The following PACS2 variants were observed in gnomAD, a reference collection of about 807,000 sequenced individuals.
PACS2 encodes the protein phosphofurin acidic cluster sorting protein 2.
PACS2 carries 36 observed loss-of-function variants against 113.0 expected under a neutral mutation model. The observed-to-expected ratio is 0.32, with a 90% confidence interval of 0.24 to 0.42. PACS2 has a LOEUF of 0.42. Among genes scored for constraint, PACS2 ranks in the 10% least tolerant of loss-of-function variants. The pLI is 1.00. For missense variants in PACS2, 1,015 were observed against 1,239.5 expected, an observed-to-expected ratio of 0.82 and a Z score of 2.72; for synonymous variants, 589 against 536.1, an observed-to-expected ratio of 1.10 and a Z score of -1.36.
intron 19 of PACS2, among the ~76,000 whole-genome samples, chr14:105,386,689 T>G (rs1043790240): frequency 1.4e-4 from 22 of 152,062 alleles, no homozygotes; most frequent in Non-Finnish European, 2.6e-4. Context: ...TGCAGGGTAG[T>G]TGGGTCCCTG....
In PACS2 at chr14:105,329,003, C is replaced by G. The variant is rs1346164317; in HGVS notation, c.119+13966C>G. 6.6e-6 allele frequency among the ~76,000 whole-genome samples: 1 copy of G among 152,204 alleles called. No homozygotes were observed. Among genetic ancestry groups the G allele is most frequent in the Non-Finnish European group, 1.5e-5 (1 of 68,028 alleles). ...GAGAATTATAGGCGCTCTAGGCATT[C>G]GATGAATCTTCTCCACCTTGCTGTG... On this transcript the variant is annotated intron_variant, in intron 1 of 24. Coordinates refer to ENST00000447393, the MANE Select transcript of PACS2 (RefSeq NM_001100913.3). The surrounding 1 kb of genome is among the most constrained non-coding windows in gnomAD (Gnocchi z 6.4).
intron 7 of PACS2, 85 bp from the exon 8 acceptor site, chr14:105,369,756 G>T (rs1757861504): frequency 8.2e-7 from 1 of 1,221,218 alleles, no homozygotes; most frequent in Admixed American, 2.0e-5. Flanking sequence ...GCGGGCCTGG[G>T]TGCGGCCTGG....
chr14:105,339,943 C>T (rs942523190), intron 1 of PACS2, among the ~76,000 whole-genome samples: 27 of 152,116 alleles, frequency 1.8e-4, no homozygotes, highest in Non-Finnish European at 3.5e-4. Context: ...CACATCCGGC[C>T]AATTTTTGTA....
At chr14:105,369,352 T>C (rs587691216) in intron 7 of PACS2, among the ~76,000 whole-genome samples, 10 of 152,232 alleles carry the variant, frequency 6.6e-5, no homozygotes, top group African/African-American at 2.2e-4. Flanking sequence ...TTTGTAGGGT[T>C]GGTCCCCGAG....
intron 1 of PACS2, among the ~76,000 whole-genome samples, chr14:105,331,537 C>T (rs1208387644): frequency 1.3e-5 from 2 of 152,212 alleles, no homozygotes; most frequent in African/African-American, 2.4e-5. Flanking sequence ...CCATTTCAGC[C>T]TCCTAAAGTG....
At chr14:105,367,848 C>T (rs1397050357) in intron 5 of PACS2, among the ~76,000 whole-genome samples, 2 of 152,252 alleles carry the variant, frequency 1.3e-5, no homozygotes, top group Non-Finnish European at 2.9e-5. Flanking sequence ...TTTGCCCTCC[C>T]TGCCCCTCCC....
intron 22 of PACS2, 98 bp from the exon 23 acceptor site, chr14:105,392,521 G>GCACCTCCTC (rs2081395356): frequency 1.8e-6 from 2 of 1,086,560 alleles, no homozygotes; most frequent in Non-Finnish European, 2.7e-6. Context: ...GTTGGCACAG[G>GCACCTCCTC]TGCTGGCTGT....
chr14:105,394,457 G>T, intron 24 of PACS2, 97 bp from the exon 25 acceptor site: 1 of 1,571,452 alleles, frequency 6.4e-7, no homozygotes, highest in Non-Finnish European at 8.6e-7. Context: ...CATCCTGTAC[G>T]CCCGGCTGCC....
chr14:105,364,603 C>A (rs1555407517), intron 4 of PACS2, among the ~76,000 whole-genome samples: 1 of 151,352 alleles, frequency 6.6e-6, no homozygotes, highest in African/African-American at 2.4e-5. Context: ...TCAGAACATA[C>A]CTCTGTCGTT....
In PACS2 at chr14:105,393,573, C is replaced by T. The variant is rs113997615; in HGVS notation, c.2596+238C>T. On this transcript the variant is annotated intron_variant, in intron 24 of 24. Coordinates refer to ENST00000447393, the MANE Select transcript of PACS2 (RefSeq NM_001100913.3). ...AAAAATAATGACTTGTTTCGTTTTT[C>T]TTGTTTGTTTTTTGTTTTGGTTTTT... The T allele has an allele frequency of 0.025, 11,077 of 436,008 alleles. 1,005 individuals carry two copies. The highest frequency in any genetic ancestry group is 0.2 in the African/African-American group (9,394 of 47,630). The allele number at this position is 436,008 out of a possible 1,614,324, so 27.0% of individuals were successfully genotyped here.
At position 105,381,994 on chromosome 14, in the gene PACS2, G is replaced by A. The variant is rs1211341850; in HGVS notation, c.1349G>A (p.Arg450Gln). Residue 450 changes from arginine (R) to glutamine (Q), a missense_variant, in exon 13 of 25, where the codon CGG becomes CAG. This residue lies in a region of PACS2 where 859 missense variants were observed against 1,056.8 expected (regional missense o/e 0.81). Coordinates refer to ENST00000447393, the MANE Select transcript of PACS2 (RefSeq NM_001100913.3). ...ERQAARPQNE[R>Q]ANSLDNERCP... ...CAGGCAGCACGGCCCCAGAATGAGC[G>A]GGCCAACAGCCTGGACAACGAGCGC... 3.2e-6 allele frequency: 5 copies of A among 1,550,210 alleles called. No homozygotes were observed. Among genetic ancestry groups the A allele is most frequent in the African/African-American group, 2.7e-5 (2 of 73,234 alleles).
intron 24 of PACS2, 119 bp downstream of exon 24, chr14:105,393,454 T>G: frequency 1.6e-6 from 1 of 616,070 alleles, no homozygotes; most frequent in Non-Finnish European, 2.8e-6. Flanking sequence ...CATTCCACGA[T>G]TCAAGGTGCA....
intron 2 of PACS2, among the ~76,000 whole-genome samples, chr14:105,349,115 G>T (rs1163340012): frequency 6.6e-6 from 1 of 151,494 alleles, no homozygotes; most frequent in African/African-American, 2.5e-5. Context: ...GCCTGGCCCA[G>T]GCCCCGCCCC....
chr14:105,315,010 A>G lies in PACS2; in HGVS notation c.92A>G (p.Asp31Gly). The G allele has an allele frequency of 2.4e-6, 3 of 1,254,366 alleles. No homozygotes were observed. Among genetic ancestry groups the G allele is most frequent in the Non-Finnish European group, 3.1e-6 (3 of 979,558 alleles). 77.7% of individuals were successfully genotyped at this position (1,254,366 alleles called of 1,614,324 possible). ...AACCTGTTCGCCACCTGGGAGGTGG[A>G]CGGCTCCAGCCCCAGCTGCGTGCCC... ...PMNLFATWEV[D>G]GSSPSCVPRL... is the part of the protein sequence containing the mutation. The change falls in exon 1 of 25, where the codon GAC (aspartate) becomes GGC (glycine). Residue 31 changes from aspartate to glycine, a missense_variant. Around this residue, in one of 3 missense-constraint regions of PACS2, gnomAD observed 140 missense variants for 135.1 expected, o/e 1.04. Transcript: ENST00000447393. This position sits in a 1 kb window ranked among gnomAD's most constrained non-coding sequence, Gnocchi z 4.4.
intron 21 of PACS2, 119 bp from the exon 22 acceptor site, chr14:105,391,512 T>TGGCCCCCCCC: frequency 6.5e-6 from 4 of 611,314 alleles, no homozygotes; most frequent in Non-Finnish European, 8.7e-6. Flanking sequence ...CACTGGGGAC[T>TGGCCCCCCCC]CCCACCCTGC....
intron 7 of PACS2, 122 bp downstream of exon 7, chr14:105,368,661 T>C (rs1376740593): frequency 1.3e-6 from 1 of 752,822 alleles, no homozygotes; most frequent in Non-Finnish European, 2.3e-6. Flanking sequence ...CACAGCAGCA[T>C]GTCCCGTGGC....
Position 105,376,923 on chromosome 14 carries a change from G to A in PACS2, c.957G>A (p.Leu319=), listed in dbSNP as rs782411779. The A allele has an allele frequency of 1.2e-6, 2 of 1,607,122 alleles. No homozygotes were observed. The highest frequency in any genetic ancestry group is 2.7e-5 in the African/African-American group (2 of 74,928). Residue 319 remains leucine (L), a splice_region_variant and synonymous_variant, in exon 9 of 25, where the codon CTG becomes CTA. Coordinates refer to ENST00000447393, the MANE Select transcript of PACS2 (RefSeq NM_001100913.3). This position sits in a 1 kb window ranked among gnomAD's most constrained non-coding sequence, Gnocchi z 4.7. The part of the protein sequence containing the change: ...DSVLSTPKPK[L]RPYFEGLSHS... ...TCCTCAGCACCCCCAAGCCGAAGCT[G>A]CGGTGAGCCCTACAGGGCGGGGCGG...
At chr14:105,353,731 T>C (rs2060324227) in intron 3 of PACS2, among the ~76,000 whole-genome samples, 1 of 151,722 alleles carries the variant, frequency 6.6e-6, no homozygotes, top group African/African-American at 2.4e-5. Flanking sequence ...GCAGCTGGGA[T>C]TACAGGCATG....
rs900922999 is a variant in PACS2, at chr14:105,331,162, C to T, written c.119+16125C>T. On this transcript the variant is annotated intron_variant, in intron 1 of 24. Coordinates refer to ENST00000447393, the MANE Select transcript of PACS2 (RefSeq NM_001100913.3). ...TAGAGACGGGGTTTCACCGTGTTGG[C>T]CAGGCTGGTCTCAAACTCCTGACCT... 3.7e-4 allele frequency among the ~76,000 whole-genome samples: 56 copies of T among 152,240 alleles called. 1 individual carries two copies. The highest frequency in any genetic ancestry group is 1.2e-3 in the African/African-American group (51 of 41,548).
Sources: allele counts gnomAD v4.1 joint callset (sites outside exome capture counted in the v4.1 genomes callset), GRCh38; gene constraint gnomAD v4.1.1; regional missense constraint gnomAD v4.1.1; non-coding constraint Gnocchi (gnomAD v3.1); transcripts MANE v1.5; gene names NCBI Gene and HGNC (gene_info 2026-07-23, HGNC 2026-07-21).